Variants in DMD observed in about 807,000 individuals in gnomAD.
The protein encoded by DMD is dystrophin, also known as mutant dystrophin.
DMD carries 63 observed loss-of-function variants against 330.1 expected under a neutral mutation model. That is an observed-to-expected ratio of 0.19 (90% confidence interval 0.16 to 0.24). The LOEUF is 0.24. Among genes scored for constraint, DMD ranks in the 10% least tolerant of loss-of-function variants. DMD has a pLI of 1.00. For missense variants in DMD, 3,344 were observed against 2,684.1 expected (o/e 1.25, Z -5.43); for synonymous variants, 1,223 against 959.8 (o/e 1.27, Z -5.07).
At chrX:31,895,400 T>C (rs1255589728) in intron 47 of DMD, among the ~76,000 whole-genome samples, 1 of 112,197 alleles carries the variant, frequency 8.9e-6, no homozygotes, top group Non-Finnish European at 1.9e-5. Context: ...ACATTTTGTA[T>C]AAGCAATCGA....
At chrX:31,919,625 G>A (rs753273026) in intron 47 of DMD, among the ~76,000 whole-genome samples, 85 of 112,210 alleles carry the variant, frequency 7.6e-4, no homozygotes, top group Non-Finnish European at 1.4e-3. Flanking sequence ...AATTATAAGT[G>A]CAACATTCAG....
At chrX:32,811,422 T>G (rs1342438619) in intron 6 of DMD, among the ~76,000 whole-genome samples, 1 of 111,807 alleles carries the variant, frequency 8.9e-6, no homozygotes, top group Non-Finnish European at 1.9e-5. Context: ...TGCTTTATAC[T>G]ATTCTCATTA....
At chrX:32,461,738 AC>A (rs1452119931) in intron 25 of DMD, among the ~76,000 whole-genome samples, 10 of 110,755 alleles carry the variant, frequency 9.0e-5, no homozygotes, top group Non-Finnish European at 1.9e-4. Context: ...CATTCAACAA[AC>A]AAAAAACAAA....
chrX:31,150,130 T>C (rs1277475396), intron 74 of DMD, among the ~76,000 whole-genome samples: 1 of 112,088 alleles, frequency 8.9e-6, no homozygotes, highest in Non-Finnish European at 1.9e-5. Context: ...CAATTTTTGT[T>C]AGATGAGTGT....
At chrX:32,262,671 T>G (rs763334639) in intron 43 of DMD, among the ~76,000 whole-genome samples, 7 of 110,409 alleles carry the variant, frequency 6.3e-5, no homozygotes, top group African/African-American at 2.3e-4. Flanking sequence ...CAATTACAAA[T>G]GAAGCATTCA....
At chrX:31,723,623 AACACAC>A (rs55718177) in intron 52 of DMD, among the ~76,000 whole-genome samples, 3,105 of 77,614 alleles carry the variant, frequency 0.04, 115 homozygotes, top group African/African-American at 0.13. Flanking sequence ...TATCCTCCAC[AACACAC>A]ACACACACAC....
intron 30 of DMD, among the ~76,000 whole-genome samples, chrX:32,403,473 T>C (rs2098098930): frequency 9.0e-6 from 1 of 111,724 alleles, no homozygotes; most frequent in African/African-American, 3.2e-5. Context: ...AATGTACACA[T>C]CAAAATAATA....
chrX:31,324,240 G>A (rs2056616927), intron 61 of DMD, among the ~76,000 whole-genome samples: 1 of 111,261 alleles, frequency 9.0e-6, no homozygotes, highest in Admixed American at 9.6e-5. Context: ...TAGAAAAGGT[G>A]ACCAAAAGTG....
At chrX:31,784,083 G>A (rs184591415) in intron 50 of DMD, among the ~76,000 whole-genome samples, 2 of 112,057 alleles carry the variant, frequency 1.8e-5, no homozygotes, top group East Asian at 5.6e-4. Flanking sequence ...TAGATGAAAG[G>A]TTCTGAGAAA....
intron 44 of DMD, among the ~76,000 whole-genome samples, chrX:32,065,088 A>G (rs1012091757): frequency 9.0e-6 from 1 of 111,464 alleles, no homozygotes; most frequent in Non-Finnish European, 1.9e-5. Flanking sequence ...TCTGATTCTC[A>G]AAAGCAATTA....
At position 32,501,781 on chromosome X, in the gene DMD, T is replaced by C. The variant is rs2044079062; in HGVS notation, c.2354A>G (p.Gln785Arg). 1 of 1,209,296 alleles carries C rather than the reference T, an allele frequency of 8.3e-7. No individual in the cohort carries two copies. Among genetic ancestry groups the C allele is most frequent in the South Asian group, 1.8e-5 (1 of 56,510 alleles). Residue 785 changes from glutamine (Q) to arginine (R), a missense_variant, in exon 19 of 79, where the codon CAG becomes CGG. Gln to Arg is a conservative substitution (Grantham distance 43). Transcript: ENST00000357033. ...RKLQDASRSA[Q>R]ALVEQMVNEG... Reference sequence around the variant, plus strand: ...ATTCACCATCTGTTCCACCAGGGCCTGAGCTGATCTGCTGGCATCTTGCAG... The same window carrying C: ...ATTCACCATCTGTTCCACCAGGGCCCGAGCTGATCTGCTGGCATCTTGCAG...
At chrX:31,449,783 T>TAG (rs1270288954) in intron 59 of DMD, among the ~76,000 whole-genome samples, 185 of 90,943 alleles carry the variant, frequency 2.0e-3, no homozygotes, top group East Asian at 3.7e-3. Context: ...TATATATATA[T>TAG]ATATATATAT....
rs1361999283 is a variant in DMD at position 32,229,709 on chromosome X, TATATATATATATATATAA to T, written c.6291-12664_6291-12647del. Among the ~76,000 whole-genome samples, 299 of 82,202 alleles carry T rather than the reference TATATATATATATATATAA, an allele frequency of 3.6e-3. 4 individuals carry two copies. The highest frequency in any genetic ancestry group is 0.013 in the African/African-American group (290 of 22,765). 71.4% of individuals were successfully genotyped at this position (82,202 alleles called of 115,157 possible). A position where few individuals can be genotyped will look rare whatever the true frequency, so the allele number is the denominator to read the frequency against. On this transcript the variant is annotated intron_variant, in intron 43 of 78. Transcript: ENST00000357033. ...ATATATATATATATATATATATATA[TATATATATATATATATAA>T]AATCAAAGAGTTTGGGAATAAGTAT... is the stretch of plus-strand genomic sequence containing the variant.
intron 55 of DMD, among the ~76,000 whole-genome samples, chrX:31,512,207 T>G (rs1482169892): frequency 9.1e-6 from 1 of 110,456 alleles, no homozygotes; most frequent in African/African-American, 3.3e-5. Flanking sequence ...TACATTTGTT[T>G]GAGTTCATTG....
chrX:32,471,870 T>C (rs1408800650), intron 22 of DMD, among the ~76,000 whole-genome samples: 1 of 111,722 alleles, frequency 9.0e-6, no homozygotes, highest in Non-Finnish European at 1.9e-5. Context: ...AAAACAATGG[T>C]TTTTCTAATA....
chrX:31,674,296 C>A (rs924866875), intron 53 of DMD, among the ~76,000 whole-genome samples: 4 of 112,146 alleles, frequency 3.6e-5, no homozygotes, highest in African/African-American at 1.3e-4. Flanking sequence ...TAATTTGAGA[C>A]ACTCAAATAG....
chrX:32,279,941 TATATACACATATATATGTGTAACCC>T (rs1482555061), intron 43 of DMD, among the ~76,000 whole-genome samples: 1 of 82,758 alleles, frequency 1.2e-5, no homozygotes, highest in African/African-American at 4.2e-5. Context: ...GTACCCCACA[TATATACACATATATATGTGTAACCC>T]ATATATATAT....
intron 57 of DMD, among the ~76,000 whole-genome samples, chrX:31,493,761 T>C (rs1305850830): frequency 8.9e-6 from 1 of 112,020 alleles, no homozygotes; most frequent in Admixed American, 9.5e-5. Context: ...CTGACTGAAA[T>C]GTAGAGATTG....
intron 41 of DMD, among the ~76,000 whole-genome samples, chrX:32,335,530 A>G (rs1479015356): frequency 9.7e-6 from 1 of 103,014 alleles, no homozygotes; most frequent in South Asian, 4.0e-4. Flanking sequence ...TGTTATATAT[A>G]AAACATGTTA....
Sources: allele counts gnomAD v4.1 joint callset (sites outside exome capture counted in the v4.1 genomes callset), GRCh38; gene constraint gnomAD v4.1.1; transcripts MANE v1.5; gene names NCBI Gene and HGNC (gene_info 2026-07-23, HGNC 2026-07-21).